Variants in WDR86 observed in about 807,000 individuals in gnomAD.
The protein encoded by WDR86 is WD repeat-containing protein 86.
A neutral mutation model predicts 36.5 loss-of-function variants in WDR86; 30 were observed. The observed-to-expected ratio is 0.82, with a 90% CI of 0.61 to 1.11. WDR86 has a LOEUF of 1.11. Among genes scored for constraint, WDR86 ranks in the 50% most tolerant of loss-of-function variants. The probability of loss-of-function intolerance (pLI) is 0.00; values close to 1 mark genes in which losing one functional copy is unlikely to be tolerated. For missense variants in WDR86, 545 were observed against 561.2 expected (o/e 0.97, Z 0.29); for synonymous variants, 255 against 252.9 (o/e 1.01, Z -0.08).
At chr7:151,376,485 T>G, downstream of WDR86, 1 of 765,966 alleles carries the variant, frequency 1.3e-6, no homozygotes. Flanking sequence ...ACGCTCACAT[T>G]GCACAGAAGC....
At chr7:151,397,675 A>AGGGTGTAGTGGGAGGAAGG (rs113644518) in intron 2 of WDR86, among the ~76,000 whole-genome samples, 1 of 40,112 alleles carries the variant, frequency 2.5e-5, no homozygotes, top group African/African-American at 8.3e-5. Flanking sequence ...CGGGAGGAAG[A>AGGGTGTAGTGGGAGGAAGG]GCATAGCGGG....
At chr7:151,369,038 C>CAAGAA in the WDR86 span, 1 of 896,056 alleles carries the variant, frequency 1.1e-6, no homozygotes, top group Non-Finnish European at 1.6e-6. Flanking sequence ...GACAGAGTCT[C>CAAGAA]ACTTTGTCAT....
chr7:151,387,821 C>T (rs950281020), intron 3 of WDR86, among the ~76,000 whole-genome samples: 2 of 152,234 alleles, frequency 1.3e-5, no homozygotes, highest in African/African-American at 2.4e-5. Context: ...GTCACAGGCA[C>T]GGGGCTTACA....
downstream of WDR86, chr7:151,374,615 T>C (rs771983382): frequency 1.5e-4 from 44 of 292,768 alleles, no homozygotes; most frequent in Non-Finnish European, 2.5e-4. Context: ...CATTAAAATT[T>C]TAAATGTAAG....
At chr7:151,370,058 A>T in the WDR86 span, among the ~76,000 whole-genome samples, 3 of 151,506 alleles carry the variant, frequency 2.0e-5, no homozygotes, top group African/African-American at 7.3e-5. Context: ...TATAGAAGTC[A>T]ATGAGTAGGT....
rs879065625 is a variant in WDR86 at position 151,400,254 on chromosome 7, G to A, written c.164-13C>T. 6.3e-7 allele frequency: 1 copy of A among 1,589,434 alleles called. No homozygotes were observed. Among genetic ancestry groups the A allele is most frequent in the Non-Finnish European group, 8.6e-7 (1 of 1,166,318 alleles). ...TAGCTTTCATGTCCTGCAGATGAGGGACAGGGGAGATGTGAGCGTACTGGG... is the reference window on the plus strand; with the variant it reads ...TAGCTTTCATGTCCTGCAGATGAGGAACAGGGGAGATGTGAGCGTACTGGG... On this transcript the variant is annotated splice_polypyrimidine_tract_variant and intron_variant, in intron 1 of 5. Coordinates refer to ENST00000334493, the MANE Select transcript of WDR86 (RefSeq NM_198285.3).
At chr7:151,408,202 T>TC (rs1245800773) in intron 1 of WDR86, among the ~76,000 whole-genome samples, 3 of 146,534 alleles carry the variant, frequency 2.0e-5, no homozygotes, top group African/African-American at 7.7e-5. Context: ...TTCTTTTCTT[T>TC]TTTTTTTTTT....
downstream of WDR86, chr7:151,377,834 C>T (rs1275194107): frequency 6.6e-6 from 1 of 152,234 alleles, no homozygotes; most frequent in Non-Finnish European, 1.5e-5. Context: ...GTTTTATGCT[C>T]TTAGTTCAGT....
Position 151,381,635 on chromosome 7 carries a change from G to A in WDR86, c.1078C>T (p.Arg360Trp), listed in dbSNP as rs1212258513. The A allele has an allele frequency of 1.4e-6, 2 of 1,387,606 alleles. No homozygotes were observed. The highest frequency in any genetic ancestry group is 1.8e-6 in the Non-Finnish European group (2 of 1,082,836). The allele number at this position is 1,387,606 out of a possible 1,614,324, so 86.0% of individuals were successfully genotyped here. ...CAGCCCACCTTGTTGCTGAAGAGCCGCGAGAGGCTGCGCATGGGCGGAGGG... is the reference window on the plus strand; with the variant it reads ...CAGCCCACCTTGTTGCTGAAGAGCCACGAGAGGCTGCGCATGGGCGGAGGG... ...RPPPPMRSLS[R>W]LFSNKVGCAA... The change falls in exon 6 of 6, where the codon CGG becomes TGG. Residue 360 changes from arginine to tryptophan, a missense_variant. Arg to Trp is a moderately radical substitution (Grantham distance 101). Coordinates refer to ENST00000334493, the MANE Select transcript of WDR86 (RefSeq NM_198285.3). The surrounding 1 kb of genome is among the most constrained non-coding windows in gnomAD (Gnocchi z 4.8).
At chr7:151,376,256 G>C, downstream of WDR86, 1 of 465,504 alleles carries the variant, frequency 2.1e-6, no homozygotes, top group South Asian at 2.4e-5. Context: ...CTGTGACCTG[G>C]GAAACCCATC....
chr7:151,378,955 C>G (rs1333659691), downstream of WDR86, among the ~76,000 whole-genome samples: 2 of 152,178 alleles, frequency 1.3e-5, no homozygotes, highest in African/African-American at 4.8e-5. Flanking sequence ...TGCGCTATGT[C>G]CAGAATGGGC....
In WDR86 at chr7:151,381,632, G is replaced by GA; in HGVS notation, c.1080_1081insT (p.Leu361SerfsTer102). 7.2e-7 allele frequency: 1 copy of GA among 1,386,438 alleles called. No individual in the cohort carries two copies. The highest frequency in any genetic ancestry group is 9.2e-7 in the Non-Finnish European group (1 of 1,082,154). 85.9% of individuals were successfully genotyped at this position (1,386,438 alleles called of 1,614,324 possible). The stretch of plus-strand genomic sequence containing the variant: ...GCGCAGCCCACCTTGTTGCTGAAGA[G>GA]CCGCGAGAGGCTGCGCATGGGCGGA... On this transcript the variant is annotated frameshift_variant, in exon 6 of 6. Coordinates refer to ENST00000334493, the MANE Select transcript of WDR86 (RefSeq NM_198285.3). LOFTEE classifies it high-confidence loss of function. The surrounding 1 kb of genome is among the most constrained non-coding windows in gnomAD (Gnocchi z 4.8).
At chr7:151,393,508 C>T (rs866270580) in intron 3 of WDR86, among the ~76,000 whole-genome samples, 2 of 152,176 alleles carry the variant, frequency 1.3e-5, no homozygotes, top group African/African-American at 4.8e-5. Context: ...TTTTCTCCCC[C>T]CTCCGTCCAG....
At position 151,385,118 on chromosome 7, in the gene WDR86, C is replaced by A. The variant is rs768372913; in HGVS notation, c.832G>T (p.Val278Leu). ...CCCGCGTGGTACTTGAGGGCGCTCA[C>A]GTTGCGTCTGTGGGCCGTGAACGTG... Reference protein sequence around the residue: ...VRTFTAHRRNVSALKYHAGTL... With the variant: ...VRTFTAHRRNLSALKYHAGTL... The change falls in exon 4 of 6, where the codon GTG (valine) becomes TTG (leucine). Residue 278 changes from valine (V) to leucine (L), a missense_variant. Coordinates refer to ENST00000334493, the MANE Select transcript of WDR86 (RefSeq NM_198285.3). 1.9e-6 allele frequency: 3 copies of A among 1,611,318 alleles called. No homozygotes were observed. The highest frequency in any genetic ancestry group is 1.7e-6 in the Non-Finnish European group (2 of 1,179,030).
Position 151,381,269 on chromosome 7 carries a change from G to A in WDR86, c.*313C>T. ...AGTTTCGTGGGGCTGGGGGAGCTGG[G>A]GCAGTCCGCCTGCAGCCCCTGAGGT... On this transcript the variant is annotated 3_prime_UTR_variant, in exon 6 of 6. Transcript: ENST00000334493. This position sits in a 1 kb window ranked among gnomAD's most constrained non-coding sequence, Gnocchi z 4.8. The A allele has an allele frequency of 7.6e-7, 1 of 1,315,200 alleles. No homozygotes were observed. Among genetic ancestry groups the A allele is most frequent in the Non-Finnish European group, 9.6e-7 (1 of 1,036,912 alleles). 81.5% of individuals were successfully genotyped at this position (1,315,200 alleles called of 1,614,324 possible). A position where few individuals can be genotyped will look rare whatever the true frequency, so the allele number is the denominator to read the frequency against.
intron 3 of WDR86, among the ~76,000 whole-genome samples, chr7:151,386,476 A>G (rs570571017): frequency 1.3e-5 from 2 of 152,224 alleles, no homozygotes; most frequent in African/African-American, 4.8e-5. Flanking sequence ...CCTGCCCTGA[A>G]GTCCTGCTGG....
At chr7:151,382,624 C>T (rs1170473251) in intron 4 of WDR86, among the ~76,000 whole-genome samples, 1 of 152,258 alleles carries the variant, frequency 6.6e-6, no homozygotes, top group Non-Finnish European at 1.5e-5. Flanking sequence ...GCCTGAGAAT[C>T]GGCATTTCTA....
chr7:151,375,990 G>A (rs754735642), exon 2 of WDR86: 10 of 1,200,942 alleles, frequency 8.3e-6, no homozygotes, highest in Non-Finnish European at 1.2e-5. Context: ...CCTCGGGTGG[G>A]GTTGCTTGGG....
At chr7:151,370,934 ACACTCATGT>A (rs950950797), downstream of WDR86, among the ~76,000 whole-genome samples, 1 of 152,188 alleles carries the variant, frequency 6.6e-6, no homozygotes, top group Non-Finnish European at 1.5e-5. Flanking sequence ...AAACATTGTC[ACACTCATGT>A]CATTCACTTC....
Sources: gnomAD v4.1 joint callset for allele counts (sites outside exome capture counted in the v4.1 genomes callset) on GRCh38, gnomAD v4.1.1 for gene constraint, Gnocchi (gnomAD v3.1) non-coding constraint, MANE v1.5 for transcripts, NCBI Gene and HGNC (gene_info 2026-07-23, HGNC 2026-07-21) for gene names.